STK3: variants seen among roughly 807,000 people sequenced by gnomAD.
STK3 encodes serine/threonine kinase 3, also known as serine/threonine-protein kinase 3.
STK3 carries 41 observed loss-of-function variants against 58.0 expected under a neutral mutation model. That is an observed-to-expected ratio of 0.71 (90% CI 0.55 to 0.92). The LOEUF is 0.92. STK3 is among the 40% of genes least tolerant of loss of function. STK3 has a pLI of 0.00. For synonymous variants in STK3, 170 were observed against 191.0 expected, an observed-to-expected ratio of 0.89 and a Z score of 0.91; for missense variants, 479 against 602.7, an observed-to-expected ratio of 0.79 and a Z score of 2.15.
At position 98,673,876 on chromosome 8, in the gene STK3, T is replaced by C. The variant is rs896283089; in HGVS notation, c.684+32591A>G. Among the ~76,000 whole-genome samples, 24 of 152,332 alleles carry C rather than the reference T, an allele frequency of 1.6e-4. 1 individual carries two copies. Among genetic ancestry groups the C allele is most frequent in the African/African-American group, 5.8e-4 (24 of 41,576 alleles). ...AAATGAGTTCAGTAAATGTACACTG[T>C]AATAATTATCAATGCCACATAAACT... On this transcript the variant is annotated intron_variant, in intron 6 of 10. Transcript: ENST00000419617.
upstream of STK3, among the ~76,000 whole-genome samples, chr8:98,393,119 A>T (rs763100005): frequency 6.6e-5 from 10 of 152,288 alleles, no homozygotes; most frequent in Non-Finnish European, 1.5e-4. Context: ...AGGAGAGAGC[A>T]CTCAGGAGGC....
intron 4 of STK3, among the ~76,000 whole-genome samples, chr8:98,743,251 A>G (rs1459276503): frequency 6.6e-6 from 1 of 151,960 alleles, no homozygotes; most frequent in Non-Finnish European, 1.5e-5. Flanking sequence ...ATATGGAAAA[A>G]AAAAAAAAAG....
intron 10 of STK3, among the ~76,000 whole-genome samples, chr8:98,475,868 T>G (rs771076196): frequency 6.6e-6 from 1 of 152,222 alleles, no homozygotes; most frequent in African/African-American, 2.4e-5. Flanking sequence ...TTTCTGCCTA[T>G]GACCTTCTCA....
At chr8:98,683,748 G>A (rs1425144869) in intron 6 of STK3, among the ~76,000 whole-genome samples, 1 of 152,058 alleles carries the variant, frequency 6.6e-6, no homozygotes, top group East Asian at 1.9e-4. Flanking sequence ...GAAAGATTAC[G>A]GGAGGAAGAC....
intron 1 of STK3, among the ~76,000 whole-genome samples, chr8:98,788,980 A>C (rs779449937): frequency 8.5e-5 from 13 of 152,214 alleles, no homozygotes; most frequent in Non-Finnish European, 1.5e-4. Flanking sequence ...CAGCACATGG[A>C]ACTTTCTCCA....
At chr8:98,640,070 C>A (rs1398706587) in intron 6 of STK3, among the ~76,000 whole-genome samples, 1 of 152,048 alleles carries the variant, frequency 6.6e-6, no homozygotes, top group Non-Finnish European at 1.5e-5. Flanking sequence ...TCTACTCATT[C>A]AGAGACAGGA....
At chr8:98,851,811 T>C (rs1336923133) in intron 3 of STK3, among the ~76,000 whole-genome samples, 1 of 152,118 alleles carries the variant, frequency 6.6e-6, no homozygotes, top group African/African-American at 2.4e-5. Context: ...GAAGATACCT[T>C]GTCTTTACAA....
intron 3 of STK3, among the ~76,000 whole-genome samples, chr8:98,864,497 A>G (rs966079586): frequency 6.6e-5 from 10 of 152,170 alleles, no homozygotes; most frequent in African/African-American, 2.4e-4. Context: ...AGCTATTGGT[A>G]ATGTCTGTTT....
chr8:98,883,837 A>AT (rs1837885560), intron 1 of STK3: 1 of 658,456 alleles, frequency 1.5e-6, no homozygotes, highest in South Asian at 1.7e-5. Context: ...TGAATGGCCT[A>AT]TTTGGAATAA....
chr8:98,855,500 T>A (rs550783479), intron 3 of STK3, among the ~76,000 whole-genome samples: 12 of 152,282 alleles, frequency 7.9e-5, no homozygotes, highest in Admixed American at 5.2e-4. Context: ...CCACTATTTT[T>A]AAAAATTAAC....
the STK3 span, among the ~76,000 whole-genome samples, chr8:98,364,917 C>T: frequency 6.6e-6 from 1 of 152,224 alleles, no homozygotes; most frequent in African/African-American, 2.4e-5. Context: ...CTGCATGACT[C>T]CAGTTGCCAC....
intron 3 of STK3, among the ~76,000 whole-genome samples, chr8:98,836,340 T>A (rs990604848): frequency 1.3e-5 from 2 of 152,234 alleles, no homozygotes; most frequent in African/African-American, 2.4e-5. Context: ...TTTCCCCGTG[T>A]CTTCACATGG....
intron 1 of STK3, chr8:98,921,287 T>C (rs1287251765): frequency 1.3e-5 from 2 of 151,952 alleles, no homozygotes; most frequent in African/African-American, 4.8e-5. Flanking sequence ...CATAAAACTC[T>C]ACTGCATGAA....
intron 1 of STK3, chr8:98,782,156 GC>G: frequency 4.5e-6 from 1 of 224,534 alleles, no homozygotes; most frequent in Non-Finnish European, 9.1e-6. Context: ...ACTCCTGTCA[GC>G]AGATCCAGAA....
downstream of STK3, among the ~76,000 whole-genome samples, chr8:98,451,902 A>C (rs897700251): frequency 1.3e-5 from 2 of 151,330 alleles, no homozygotes; most frequent in Admixed American, 6.6e-5. Flanking sequence ...AAAAAAACAA[A>C]AAAAAAAACC....
intron 4 of STK3, among the ~76,000 whole-genome samples, chr8:98,732,423 C>A (rs936694021): frequency 2.0e-5 from 3 of 152,052 alleles, no homozygotes; most frequent in East Asian, 1.9e-4. Flanking sequence ...CCATTAGCAA[C>A]ACTAGATGTT....
chr8:98,638,284 T>C, intron 6 of STK3, among the ~76,000 whole-genome samples: 1 of 152,246 alleles, frequency 6.6e-6, no homozygotes, highest in East Asian at 1.9e-4. Flanking sequence ...TCCAAATATG[T>C]AAACTAGCTT....
intron 4 of STK3, among the ~76,000 whole-genome samples, chr8:98,736,004 A>G (rs186824178): frequency 2.0e-5 from 3 of 152,294 alleles, no homozygotes; most frequent in Non-Finnish European, 2.9e-5. Context: ...TAAAACATAA[A>G]AAAAAGGCCA....
intron 1 of STK3, among the ~76,000 whole-genome samples, chr8:98,775,127 G>T (rs905922636): frequency 6.6e-6 from 1 of 152,000 alleles, no homozygotes; most frequent in Non-Finnish European, 1.5e-5. Context: ...TATAAATATT[G>T]TCATGTTGTC....
Sources: allele counts gnomAD v4.1 joint callset (sites outside exome capture counted in the v4.1 genomes callset), GRCh38; gene constraint gnomAD v4.1.1; transcripts MANE v1.5; gene names NCBI Gene and HGNC (gene_info 2026-07-23, HGNC 2026-07-21).